Variants in CMC1 observed in about 807,000 individuals in gnomAD.
The protein encoded by CMC1 is COX assembly mitochondrial protein homolog.
Under a neutral mutation model 14.1 loss-of-function variants are expected in CMC1, and 14 were observed. The ratio of observed to expected loss-of-function variants is 0.99; its 90% CI spans 0.66 to 1.55. The LOEUF (loss-of-function observed/expected upper bound fraction) is 1.55, where lower values mean the gene tolerates loss of function less well. CMC1 is among the 40% of genes most tolerant of loss of function. The pLI is 0.00. For missense variants in CMC1, 127 were observed against 123.8 expected, an observed-to-expected ratio of 1.03 and a Z score of -0.12; for synonymous variants, 50 against 38.4, an observed-to-expected ratio of 1.30 and a Z score of -1.12.
chr3:28,260,742 G>A (rs1269553237), intron 1 of CMC1, among the ~76,000 whole-genome samples: 1 of 151,878 alleles, frequency 6.6e-6, no homozygotes, highest in Non-Finnish European at 1.5e-5. Flanking sequence ...CAAATTTCCT[G>A]CCAAGTACTG....
intron 3 of CMC1, 148 bp downstream of exon 3, chr3:28,316,571 T>C (rs1030824535): frequency 1.2e-5 from 5 of 404,724 alleles, no homozygotes; most frequent in Non-Finnish European, 1.8e-5. Context: ...CAGTACAGTC[T>C]TAAAAATGCA....
chr3:28,324,593 G>A lies in CMC1; in HGVS notation c.*4964G>A. ...GTTAGTGTGATCATTGAGGCACTGT[G>A]ACTAGGAGATAAATGACAGATGATC... On this transcript the variant is annotated 3_prime_UTR_variant, in exon 4 of 4. Transcript: ENST00000466830. The A allele has an allele frequency of 1.5e-6, 1 of 670,608 alleles. No individual in the cohort carries two copies. The highest frequency in any genetic ancestry group is 2.2e-6 in the Non-Finnish European group (1 of 455,842). The allele number at this position is 670,608 out of a possible 1,614,324, so 41.5% of individuals were successfully genotyped here. A position where few individuals can be genotyped will look rare whatever the true frequency, so the allele number is the denominator to read the frequency against.
chr3:28,296,169 A>G (rs995767739), intron 2 of CMC1, among the ~76,000 whole-genome samples: 1 of 152,128 alleles, frequency 6.6e-6, no homozygotes, highest in Admixed American at 6.6e-5. Context: ...GCATATATTC[A>G]GTAAACTAGA....
chr3:28,285,443 CAT>C (rs1701123451), intron 2 of CMC1, among the ~76,000 whole-genome samples: 1 of 151,688 alleles, frequency 6.6e-6, no homozygotes, highest in Admixed American at 6.6e-5. Flanking sequence ...TCAAATATCA[CAT>C]GTTCTCACGT....
intron 2 of CMC1, among the ~76,000 whole-genome samples, chr3:28,276,576 AAT>A (rs1358195151): frequency 6.6e-6 from 1 of 152,176 alleles, no homozygotes; most frequent in Non-Finnish European, 1.5e-5. Context: ...TCTAAAATTA[AAT>A]ATGGCCTTTA....
At chr3:28,242,584 AAT>A (rs1698586448) in intron 1 of CMC1, among the ~76,000 whole-genome samples, 2 of 152,214 alleles carry the variant, frequency 1.3e-5, no homozygotes, top group African/African-American at 4.8e-5. Context: ...GAGCATGGAA[AAT>A]ATATGTAGCA....
chr3:28,242,584 A>G (rs1278761681), intron 1 of CMC1, among the ~76,000 whole-genome samples: 1 of 152,214 alleles, frequency 6.6e-6, no homozygotes, highest in African/African-American at 2.4e-5. Context: ...GAGCATGGAA[A>G]ATATATGTAG....
intron 2 of CMC1, among the ~76,000 whole-genome samples, chr3:28,287,088 T>A (rs1007778228): frequency 1.3e-5 from 2 of 152,148 alleles, no homozygotes; most frequent in African/African-American, 4.8e-5. Flanking sequence ...ATTCTCGGAT[T>A]CTTCCTAACA....
chr3:28,290,092 T>C (rs528535418), intron 2 of CMC1, among the ~76,000 whole-genome samples: 1 of 152,258 alleles, frequency 6.6e-6, no homozygotes, highest in African/African-American at 2.4e-5. Flanking sequence ...AGTGATTCCC[T>C]TGTATGAAAG....
At chr3:28,279,092 AC>A (rs1454083242) in intron 2 of CMC1, among the ~76,000 whole-genome samples, 1 of 152,204 alleles carries the variant, frequency 6.6e-6, no homozygotes, top group African/African-American at 2.4e-5. Context: ...TAACCTATGA[AC>A]AAAATAGGAA....
At chr3:28,309,139 T>TAAA (rs2125595163) in intron 2 of CMC1, among the ~76,000 whole-genome samples, 1 of 152,260 alleles carries the variant, frequency 6.6e-6, no homozygotes, top group African/African-American at 2.4e-5. Flanking sequence ...TCTCCTAGCG[T>TAAA]TAAGTGTTAG....
chr3:28,274,134 G>T (rs1012796795), intron 2 of CMC1, among the ~76,000 whole-genome samples: 19 of 149,932 alleles, frequency 1.3e-4, no homozygotes, highest in African/African-American at 4.4e-4. Flanking sequence ...CTGCCATCAT[G>T]ATGCTAACTG....
chr3:28,251,991 A>C (rs1699156851), intron 1 of CMC1, among the ~76,000 whole-genome samples: 1 of 152,258 alleles, frequency 6.6e-6, no homozygotes, highest in Admixed American at 6.5e-5. Context: ...AAGTTTTACC[A>C]AATAAAGTAA....
chr3:28,280,939 T>C (rs984459584), intron 2 of CMC1, among the ~76,000 whole-genome samples: 2 of 152,236 alleles, frequency 1.3e-5, no homozygotes, highest in East Asian at 3.8e-4. Flanking sequence ...ACAGCCATGC[T>C]CATTTACTTA....
Position 28,248,906 on chromosome 3 carries a change from CA to C in CMC1, c.19+7095del, listed in dbSNP as rs1220266205. 1.6e-3 allele frequency among the ~76,000 whole-genome samples: 245 copies of C among 152,270 alleles called. 1 individual carries two copies. Among genetic ancestry groups the C allele is most frequent in the South Asian group, 6.6e-3 (32 of 4,824 alleles). On this transcript the variant is annotated intron_variant, in intron 1 of 3. Transcript: ENST00000466830. ...CTGGGTTTGTGCCATTCTTCTGCCT[CA>C]GTCTCCTAAGTAGCTGGGACTACAG...
intron 2 of CMC1, among the ~76,000 whole-genome samples, chr3:28,285,443 C>T (rs980011787): frequency 6.6e-6 from 1 of 151,688 alleles, no homozygotes; most frequent in Non-Finnish European, 1.5e-5. Context: ...TCAAATATCA[C>T]ATGTTCTCAC....
At chr3:28,250,047 C>T (rs1699054828) in intron 1 of CMC1, among the ~76,000 whole-genome samples, 1 of 152,176 alleles carries the variant, frequency 6.6e-6, no homozygotes, top group Non-Finnish European at 1.5e-5. Context: ...ATTAAGGCCT[C>T]ACCTTTATGA....
At chr3:28,242,715 C>T (rs549544302) in intron 1 of CMC1, among the ~76,000 whole-genome samples, 8 of 152,030 alleles carry the variant, frequency 5.3e-5, no homozygotes, top group Non-Finnish European at 1.2e-4. Context: ...GAAACTGAGG[C>T]GAAGAGAAGT....
chr3:28,245,946 A>C (rs913272601), intron 1 of CMC1, among the ~76,000 whole-genome samples: 2 of 152,064 alleles, frequency 1.3e-5, no homozygotes, highest in Non-Finnish European at 2.9e-5. Context: ...TGATTAGAAA[A>C]ATTTTTTATT....
Sources: gnomAD v4.1 joint callset for allele counts (sites outside exome capture counted in the v4.1 genomes callset) on GRCh38, gnomAD v4.1.1 for gene constraint, MANE v1.5 for transcripts, NCBI Gene and HGNC (gene_info 2026-07-23, HGNC 2026-07-21) for gene names.